The following OR14J1 variants were observed in gnomAD, a reference collection of about 807,000 sequenced individuals.
The protein encoded by OR14J1 is olfactory receptor 14J1.
For missense variants in OR14J1, 378 were observed against 393.4 expected, an observed-to-expected ratio of 0.96 and a Z score of 0.33; for synonymous variants, 140 against 146.7, an observed-to-expected ratio of 0.95 and a Z score of 0.33.
rs749560697 is a variant in OR14J1, at chr6:29,307,276, C to T, written c.587C>T (p.Ala196Val). 7.4e-6 allele frequency: 12 copies of T among 1,612,716 alleles called. No individual in the cohort carries two copies. The Admixed American group carries it at 2.0e-4, about 27-fold the overall frequency. The change falls in exon 2 of 2, where the codon GCA becomes GTA. Residue 196 changes from alanine (A) to valine (V), a missense_variant. Transcript: ENST00000641895. ...ACSYEFINEI[A>V]LAAFTTSAAF... is the part of the protein sequence containing the mutation. ...TCTTATGAATTCATTAATGAGATTGCACTGGCTGCATTCACAACGTCTGCA... is the reference window on the plus strand; with the variant it reads ...TCTTATGAATTCATTAATGAGATTGTACTGGCTGCATTCACAACGTCTGCA...
At chr6:29,304,899 G>A (rs186651959) in intron 1 of OR14J1, among the ~76,000 whole-genome samples, 7 of 152,276 alleles carry the variant, frequency 4.6e-5, no homozygotes, top group African/African-American at 1.7e-4. Context: ...TCAAGCCAGA[G>A]ACAGTAAGTT....
chr6:29,301,798 C>T lies in OR14J1; in HGVS notation c.-29+11C>T, dbSNP rs1774712894. The T allele has an allele frequency of 6.6e-6, 1 of 152,054 alleles. No homozygotes were observed. The highest frequency in any genetic ancestry group is 6.6e-5 in the Admixed American group (1 of 15,254). The allele number at this position is 152,054 out of a possible 1,614,324, so 9.4% of individuals were successfully genotyped here. On this transcript the variant is annotated intron_variant, in intron 1 of 1. Transcript: ENST00000641895. ...GAGAGATCCACTCTGGTGAGTAAAA[C>T]TTCTTCAAATTTTATGGAATTTATC...
At position 29,306,610 on chromosome 6, in the gene OR14J1, A is replaced by AT; in HGVS notation, c.-28-51dup. ...AGGAATTGAGTTACTTGACACACAA[A>AT]TATATTAGATGTCATGCATTTTCTT... On this transcript the variant is annotated intron_variant, in intron 1 of 1. Coordinates refer to ENST00000641895, the MANE Select transcript of OR14J1 (RefSeq NM_030946.2). 6 of 816,334 alleles carry AT rather than the reference A, an allele frequency of 7.3e-6. No homozygotes were observed. The South Asian group carries it at 9.7e-5, about 13-fold the overall frequency. 50.6% of individuals were successfully genotyped at this position (816,334 alleles called of 1,614,324 possible).
rs760790676 is a variant in OR14J1, at chr6:29,307,107, AG to A, written c.420del (p.Arg140SerfsTer4). 64 of 1,613,002 alleles carry A rather than the reference AG, an allele frequency of 4.0e-5. No individual in the cohort carries two copies. The African/African-American group carries it at 8.3e-4, about 21-fold the overall frequency. Reference protein sequence around the residue: ...YETIMDPRACRHAVIAVWIAG... With the variant: ...YETIMDPRACXHAVIAVWIAG... ...GACTATTATGGATCCCCGTGCCTGT[AG>A]GCATGCAGTGATAGCTGTGTGGATT... On this transcript the variant is annotated frameshift_variant, in exon 2 of 2. Coordinates refer to ENST00000641895, the MANE Select transcript of OR14J1 (RefSeq NM_030946.2). LOFTEE classifies it low-confidence loss of function (END_TRUNC).
Position 29,311,134 on chromosome 6 carries a change from C to T in OR14J1, c.*3479C>T, listed in dbSNP as rs999295645. ...TCTTGCCTGATTGCCCTGGCCAGAA[C>T]TTCCAACATTATGTTGAATAAGAGT... On this transcript the variant is annotated 3_prime_UTR_variant, in exon 2 of 2. Coordinates refer to ENST00000641895, the MANE Select transcript of OR14J1 (RefSeq NM_030946.2). 1 of 152,168 alleles carries T rather than the reference C, an allele frequency of 6.6e-6. No individual in the cohort carries two copies. The allele number at this position is 152,168 out of a possible 1,614,324, so 9.4% of individuals were successfully genotyped here. A position where few individuals can be genotyped will look rare whatever the true frequency, so the allele number is the denominator to read the frequency against.
intron 1 of OR14J1, among the ~76,000 whole-genome samples, chr6:29,306,242 C>T (rs372309441): frequency 2.0e-4 from 30 of 152,278 alleles, no homozygotes; most frequent in Admixed American, 1.9e-3. Flanking sequence ...TGCCTCTGAG[C>T]TGTTTCTAGA....
In OR14J1 at chr6:29,311,639, A is replaced by C. The variant is rs1775521020; in HGVS notation, c.*3984A>C. ...GCTGGCCTCATAAAATGAGTTATGG[A>C]GGATTCCCTCTTTTTCTATTGTTTG... On this transcript the variant is annotated 3_prime_UTR_variant, in exon 2 of 2. Coordinates refer to ENST00000641895, the MANE Select transcript of OR14J1 (RefSeq NM_030946.2). 6.6e-6 allele frequency: 1 copy of C among 152,210 alleles called. No homozygotes were observed. The highest frequency in any genetic ancestry group is 6.5e-5 in the Admixed American group (1 of 15,282). 9.4% of individuals were successfully genotyped at this position (152,210 alleles called of 1,614,324 possible). A position where few individuals can be genotyped will look rare whatever the true frequency, so the allele number is the denominator to read the frequency against.
chr6:29,307,956 A>T lies in OR14J1; in HGVS notation c.*301A>T. 4.2e-6 allele frequency: 1 copy of T among 240,572 alleles called. No individual in the cohort carries two copies. Among genetic ancestry groups the T allele is most frequent in the Non-Finnish European group, 8.0e-6 (1 of 125,732 alleles). 14.9% of individuals were successfully genotyped at this position (240,572 alleles called of 1,614,324 possible). On this transcript the variant is annotated 3_prime_UTR_variant, in exon 2 of 2. Transcript: ENST00000641895. ...TAACAAATAAGGTTGGAGATAGATG[A>T]AGCTAACTGGGTTAATATTATGGTG...
chr6:29,304,039 T>C (rs529508655), intron 1 of OR14J1, among the ~76,000 whole-genome samples: 15 of 152,060 alleles, frequency 9.9e-5, no homozygotes, highest in Admixed American at 2.0e-4. Flanking sequence ...AACCCTAGAG[T>C]GGGTGGAATT....
At chr6:29,304,856 TAG>T (rs1223562232) in intron 1 of OR14J1, among the ~76,000 whole-genome samples, 1 of 152,190 alleles carries the variant, frequency 6.6e-6, no homozygotes, top group African/African-American at 2.4e-5. Flanking sequence ...CAATGTGTAT[TAG>T]AAGTGGTAAG....
At chr6:29,304,848 A>G (rs2151190627) in intron 1 of OR14J1, among the ~76,000 whole-genome samples, 1 of 152,318 alleles carries the variant, frequency 6.6e-6, no homozygotes, top group African/African-American at 2.4e-5. Flanking sequence ...TACATTAACA[A>G]TGTGTATTAG....
intron 1 of OR14J1, among the ~76,000 whole-genome samples, chr6:29,306,284 G>A (rs1182144602): frequency 6.6e-6 from 1 of 152,130 alleles, no homozygotes; most frequent in Non-Finnish European, 1.5e-5. Flanking sequence ...ATAACTTCAT[G>A]TTAGCTGGTT....
At position 29,307,698 on chromosome 6, in the gene OR14J1, G is replaced by A; in HGVS notation, c.*43G>A. 1 of 1,166,250 alleles carries A rather than the reference G, an allele frequency of 8.6e-7. No individual in the cohort carries two copies. The highest frequency in any genetic ancestry group is 2.3e-5 in the East Asian group (1 of 42,682). The allele number at this position is 1,166,250 out of a possible 1,614,324, so 72.2% of individuals were successfully genotyped here. Reference sequence around the variant, plus strand: ...AGGCATTGTTATTATGTTTCAGATTGGAAGAGAGGTGAATCTTATTTCTAC... The same window carrying A: ...AGGCATTGTTATTATGTTTCAGATTAGAAGAGAGGTGAATCTTATTTCTAC... On this transcript the variant is annotated 3_prime_UTR_variant, in exon 2 of 2. Transcript: ENST00000641895.
In OR14J1 at chr6:29,301,776, A is replaced by G. The variant is rs1774711306; in HGVS notation, c.-40A>G. 1 of 152,196 alleles carries G rather than the reference A, an allele frequency of 6.6e-6. No homozygotes were observed. Among genetic ancestry groups the G allele is most frequent in the Non-Finnish European group, 1.5e-5 (1 of 68,024 alleles). 9.4% of individuals were successfully genotyped at this position (152,196 alleles called of 1,614,324 possible). A position where few individuals can be genotyped will look rare whatever the true frequency, so the allele number is the denominator to read the frequency against. Reference sequence around the variant, plus strand: ...TCAATTGAGATTTGTTTCTACCGAGAGATCCACTCTGGTGAGTAAAACTTC... The same window carrying G: ...TCAATTGAGATTTGTTTCTACCGAGGGATCCACTCTGGTGAGTAAAACTTC... On this transcript the variant is annotated 5_prime_UTR_variant, in exon 1 of 2. Coordinates refer to ENST00000641895, the MANE Select transcript of OR14J1 (RefSeq NM_030946.2).
At position 29,312,461 on chromosome 6, in the gene OR14J1, C is replaced by A; in HGVS notation, c.*4806C>A. The stretch of plus-strand genomic sequence containing the variant: ...TTCCTCATGGCTCAGTCCCTCATGG[C>A]TTCCCTTGGCTAGGGGAGGGAGTTG... On this transcript the variant is annotated 3_prime_UTR_variant, in exon 2 of 2. Coordinates refer to ENST00000641895, the MANE Select transcript of OR14J1 (RefSeq NM_030946.2). The A allele has an allele frequency of 5.9e-6, 1 of 168,908 alleles. No homozygotes were observed. Among genetic ancestry groups the A allele is most frequent in the Non-Finnish European group, 1.2e-5 (1 of 81,700 alleles). The allele number at this position is 168,908 out of a possible 1,614,324, so 10.5% of individuals were successfully genotyped here.
Position 29,306,676 on chromosome 6 carries a change from T to A in OR14J1, c.-14T>A. On this transcript the variant is annotated 5_prime_UTR_variant, in exon 2 of 2. Transcript: ENST00000641895. ...TTCCTAAACAGAGTCACACTTGGTA[T>A]CTTCAGAGAGACTATGGTCAATTTG... 1 of 1,553,410 alleles carries A rather than the reference T, an allele frequency of 6.4e-7. No individual in the cohort carries two copies. Among genetic ancestry groups the A allele is most frequent in the African/African-American group, 1.4e-5 (1 of 73,938 alleles).
chr6:29,311,487 T>A lies in OR14J1; in HGVS notation c.*3832T>A, dbSNP rs977800131. 1 of 152,248 alleles carries A rather than the reference T, an allele frequency of 6.6e-6. No homozygotes were observed. The highest frequency in any genetic ancestry group is 1.5e-5 in the Non-Finnish European group (1 of 68,048). The allele number at this position is 152,248 out of a possible 1,614,324, so 9.4% of individuals were successfully genotyped here. A position where few individuals can be genotyped will look rare whatever the true frequency, so the allele number is the denominator to read the frequency against. ...ACTTGATCATGGTAGATGAGCTTTT[T>A]GATGTGCTGCTGGATTCGGTTTGCC... On this transcript the variant is annotated 3_prime_UTR_variant, in exon 2 of 2. Coordinates refer to ENST00000641895, the MANE Select transcript of OR14J1 (RefSeq NM_030946.2).
chr6:29,304,391 A>T (rs995856492), intron 1 of OR14J1, among the ~76,000 whole-genome samples: 10 of 152,216 alleles, frequency 6.6e-5, no homozygotes, highest in African/African-American at 2.4e-4. Flanking sequence ...AGACAGAAAA[A>T]AATGCTTGGG....
Position 29,307,797 on chromosome 6 carries a change from G to C in OR14J1, c.*142G>C, listed in dbSNP as rs2151195664. The C allele has an allele frequency of 1.9e-6, 1 of 539,394 alleles. No homozygotes were observed. The highest frequency in any genetic ancestry group is 3.0e-5 in the East Asian group (1 of 33,422). The allele number at this position is 539,394 out of a possible 1,614,324, so 33.4% of individuals were successfully genotyped here. ...AATTCTTTAAAATTTAAGATGTTGT[G>C]CTCTAATAATATTAGCTTTCCTTCC... On this transcript the variant is annotated 3_prime_UTR_variant, in exon 2 of 2. Coordinates refer to ENST00000641895, the MANE Select transcript of OR14J1 (RefSeq NM_030946.2).
Sources: allele counts gnomAD v4.1 joint callset (sites outside exome capture counted in the v4.1 genomes callset), GRCh38; gene constraint gnomAD v4.1.1; transcripts MANE v1.5; gene names NCBI Gene and HGNC (gene_info 2026-07-23, HGNC 2026-07-21).